MROH1: variants seen among roughly 807,000 people sequenced by gnomAD.
The protein encoded by MROH1 is maestro heat-like repeat-containing protein family member 1.
Under a neutral mutation model 116.5 loss-of-function variants are expected in MROH1, and 117 were observed. The ratio of observed to expected loss-of-function variants is 1.00; its 90% CI spans 0.86 to 1.17. The LOEUF (loss-of-function observed/expected upper bound fraction) is 1.17. MROH1 is among the 50% of genes most tolerant of loss of function. MROH1 has a pLI of 0.00. For missense variants in MROH1, 1,873 were observed against 1,338.5 expected (o/e 1.40, Z -6.23); for synonymous variants, 921 against 583.9 (o/e 1.58, Z -8.32).
chr8:144,148,632 C>G (rs1272259900), intron 1 of MROH1: 2 of 152,714 alleles, frequency 1.3e-5, no homozygotes, highest in African/African-American at 4.8e-5. Flanking sequence ...TGATTTGTCC[C>G]TAGTCACGAG....
At chr8:144,173,796 G>A (rs113898811) in intron 4 of MROH1, among the ~76,000 whole-genome samples, 13 of 152,326 alleles carry the variant, frequency 8.5e-5, no homozygotes, top group East Asian at 1.9e-4. Context: ...CCATGCTGGC[G>A]TGCCTCAACT....
chr8:144,197,579 G>A (rs1830219196), intron 10 of MROH1, among the ~76,000 whole-genome samples: 1 of 150,364 alleles, frequency 6.7e-6, no homozygotes. Context: ...GGGACTACAG[G>A]CGCCTGCAAC....
chr8:144,200,897 G>C (rs1039932724), intron 12 of MROH1: 1 of 198,750 alleles, frequency 5.0e-6, no homozygotes, highest in Non-Finnish European at 1.0e-5. Context: ...GACACACTTT[G>C]GTTTAGTTTG....
At position 144,191,911 on chromosome 8, in the gene MROH1, C is replaced by G. The variant is rs1210986463; in HGVS notation, c.855+56C>G. 7 of 1,599,924 alleles carry G rather than the reference C, an allele frequency of 4.4e-6. No homozygotes were observed. In the African/African-American group the frequency reaches 9.3e-5, roughly 21 times the overall value. The stretch of plus-strand genomic sequence containing the variant: ...CCGAGGACCCCTCCAATCAGACTCC[C>G]CGGGGGTGGCCGTGAGTCCTCGGCT... On this transcript the variant is annotated intron_variant, in intron 9 of 43. Coordinates refer to ENST00000326134, the MANE Select transcript of MROH1 (RefSeq NM_032450.3).
intron 3 of MROH1, among the ~76,000 whole-genome samples, chr8:144,166,075 C>T (rs991564900): frequency 5.9e-5 from 9 of 152,042 alleles, no homozygotes; most frequent in African/African-American, 1.7e-4. Context: ...GATATGGTTT[C>T]ACCATGTTGG....
chr8:144,208,250 G>A (rs375984864), intron 12 of MROH1, among the ~76,000 whole-genome samples: 1 of 152,064 alleles, frequency 6.6e-6, no homozygotes, highest in African/African-American at 2.4e-5. Flanking sequence ...GGCCTGCAAG[G>A]TTATTTTTAT....
intron 5 of MROH1, among the ~76,000 whole-genome samples, chr8:144,179,789 G>A (rs1158239386): frequency 2.0e-5 from 3 of 152,218 alleles, no homozygotes; most frequent in Non-Finnish European, 4.4e-5. Flanking sequence ...AACTGAAGCA[G>A]AGAGCAAGTT....
At chr8:144,192,193 C>T (rs909277963) in intron 9 of MROH1, 116 bp from the exon 10 acceptor site, 26 of 846,572 alleles carry the variant, frequency 3.1e-5, no homozygotes, top group Non-Finnish European at 4.1e-5. Flanking sequence ...CAAGGTGGGG[C>T]CCATGTCCTC....
At chr8:144,260,510 G>A (rs1057185715) in intron 39 of MROH1, 136 bp downstream of exon 39, 9 of 715,426 alleles carry the variant, frequency 1.3e-5, no homozygotes, top group Middle Eastern at 3.7e-4. Context: ...GGACCTGCAG[G>A]GCTGCTGCTT....
At chr8:144,164,657 C>T (rs1820356705) in intron 3 of MROH1, among the ~76,000 whole-genome samples, 1 of 151,978 alleles carries the variant, frequency 6.6e-6, no homozygotes, top group Non-Finnish European at 1.5e-5. Context: ...CTCAGCCTCC[C>T]AAAGTGCTGG....
chr8:144,230,627 T>C (rs994504148), intron 14 of MROH1, among the ~76,000 whole-genome samples: 3 of 151,960 alleles, frequency 2.0e-5, no homozygotes, highest in Admixed American at 2.0e-4. Flanking sequence ...TTTTTCCAGC[T>C]TTAGTATCAG....
At chr8:144,168,688 G>A (rs1353414909) in intron 4 of MROH1, among the ~76,000 whole-genome samples, 2 of 152,178 alleles carry the variant, frequency 1.3e-5, no homozygotes, top group Admixed American at 6.5e-5. Flanking sequence ...GCTCTTTGCT[G>A]CCCCTTTTAC....
At chr8:144,157,395 G>A (rs1818421005) in intron 1 of MROH1, among the ~76,000 whole-genome samples, 1 of 152,106 alleles carries the variant, frequency 6.6e-6, no homozygotes, top group African/African-American at 2.4e-5. Flanking sequence ...AAGGTCTTTG[G>A]TTTTGTTATG....
At chr8:144,219,888 T>A (rs1266237866) in intron 12 of MROH1, among the ~76,000 whole-genome samples, 1 of 152,196 alleles carries the variant, frequency 6.6e-6, no homozygotes, top group Non-Finnish European at 1.5e-5. Flanking sequence ...GAAGAGGCTG[T>A]GTCTAGCTCT....
Position 144,255,629 on chromosome 8 carries a change from C to G in MROH1, c.3715C>G (p.Leu1239Val). Reference protein sequence around the residue: ...LRVSCTVGVQLPRNLQAQERR... With the variant: ...LRVSCTVGVQVPRNLQAQERR... ...CGTCAGCTGCACCGTGGGTGTCCAG[C>G]TGCCCCGGAACCTGCAGGCCCAGGA... The change falls in exon 35 of 44, where the codon CTG becomes GTG. Residue 1239 changes from leucine (L) to valine (V), a missense_variant. Leu to Val is a conservative substitution (Grantham distance 32). Transcript: ENST00000326134. 1.3e-6 allele frequency: 1 copy of G among 775,712 alleles called. No homozygotes were observed. Among genetic ancestry groups the G allele is most frequent in the Non-Finnish European group, 2.4e-6 (1 of 416,542 alleles). The allele number at this position is 775,712 out of a possible 1,614,324, so 48.1% of individuals were successfully genotyped here.
At chr8:144,229,589 C>T (rs1416196096) in intron 14 of MROH1, among the ~76,000 whole-genome samples, 2 of 152,000 alleles carry the variant, frequency 1.3e-5, no homozygotes, top group Non-Finnish European at 2.9e-5. Flanking sequence ...ATAGGTTTTG[C>T]TATGTTGCCC....
chr8:144,250,193 G>A lies in MROH1; in HGVS notation c.3274-19G>A, dbSNP rs919612134. The A allele has an allele frequency of 1.5e-4, 114 of 763,034 alleles. No homozygotes were observed. The highest frequency in any genetic ancestry group is 1.3e-3 in the African/African-American group (75 of 59,108). The allele number at this position is 763,034 out of a possible 1,614,324, so 47.3% of individuals were successfully genotyped here. ...GTCCCCCACGCGTGGCCTGACCACC[G>A]TGTCCCGCCCATCTACAGGTGCCCG... On this transcript the variant is annotated intron_variant, in intron 32 of 43. Coordinates refer to ENST00000326134, the MANE Select transcript of MROH1 (RefSeq NM_032450.3).
At chr8:144,226,811 A>G (rs2132518777) in intron 14 of MROH1, among the ~76,000 whole-genome samples, 1 of 152,240 alleles carries the variant, frequency 6.6e-6, no homozygotes, top group South Asian at 2.1e-4. Flanking sequence ...GTCTTTTTCG[A>G]TCATGTTTTG....
intron 7 of MROH1, among the ~76,000 whole-genome samples, chr8:144,188,157 CA>C (rs1387890382): frequency 2.0e-5 from 3 of 152,180 alleles, no homozygotes; most frequent in Non-Finnish European, 2.9e-5. Context: ...AAAATATTAA[CA>C]AGTTTGACAT....
Sources: allele counts gnomAD v4.1 joint callset (sites outside exome capture counted in the v4.1 genomes callset), GRCh38; gene constraint gnomAD v4.1.1; transcripts MANE v1.5; gene names NCBI Gene and HGNC (gene_info 2026-07-23, HGNC 2026-07-21).